Variants in CLPSL1 observed in about 807,000 individuals in gnomAD.
CLPSL1 encodes the protein colipase-like protein 1.
A neutral mutation model predicts 9.3 loss-of-function variants in CLPSL1; 13 were observed. That is an observed-to-expected ratio of 1.40 (90% CI 0.91 to 2.22). The LOEUF is 2.22. Among genes scored for constraint, CLPSL1 ranks in the 30% most tolerant of loss-of-function variants. The pLI is 0.00. For synonymous variants in CLPSL1, 58 were observed against 56.9 expected (o/e 1.02, Z -0.08); for missense variants, 164 against 146.6 (o/e 1.12, Z -0.61).
chr6:35,793,741 A>C (rs1037980174), downstream of CLPSL1: 2 of 372,840 alleles, frequency 5.4e-6, no homozygotes, highest in African/African-American at 2.1e-5. Context: ...TGGTTACAGG[A>C]GGATTCATTG....
At position 35,788,062 on chromosome 6, in the gene CLPSL1, C is replaced by G; in HGVS notation, c.*52C>G. 1 of 1,409,236 alleles carries G rather than the reference C, an allele frequency of 7.1e-7. No individual in the cohort carries two copies. The highest frequency in any genetic ancestry group is 1.0e-6 in the Non-Finnish European group (1 of 996,508). 87.3% of individuals were successfully genotyped at this position (1,409,236 alleles called of 1,614,324 possible). A position where few individuals can be genotyped will look rare whatever the true frequency, so the allele number is the denominator to read the frequency against. On this transcript the variant is annotated 3_prime_UTR_variant, in exon 3 of 3. Coordinates refer to ENST00000373861, the MANE Select transcript of CLPSL1 (RefSeq NM_001010886.5). Reference sequence around the variant, plus strand: ...CTCCTCCACCTGCTCTCCTCCCTACCCAGAGCTCTGTGTTCACCCTGTTCC... The same window carrying G: ...CTCCTCCACCTGCTCTCCTCCCTACGCAGAGCTCTGTGTTCACCCTGTTCC...
chr6:35,790,993 C>T (rs1479075891), downstream of CLPSL1, among the ~76,000 whole-genome samples: 6 of 150,704 alleles, frequency 4.0e-5, no homozygotes, highest in African/African-American at 9.8e-5. Context: ...TGCAGTGAGC[C>T]ATGGTCGCAC....
At chr6:35,786,932 C>T (rs1389443956) in intron 1 of CLPSL1, 66 bp from the exon 2 acceptor site, 5 of 1,533,406 alleles carry the variant, frequency 3.3e-6, no homozygotes, top group African/African-American at 1.4e-5. Context: ...GGAGAAAGCC[C>T]CAGGCGGGGC....
chr6:35,790,186 G>A (rs1220196641), downstream of CLPSL1, among the ~76,000 whole-genome samples: 4 of 152,242 alleles, frequency 2.6e-5, no homozygotes, highest in South Asian at 2.1e-4. Context: ...TCCTGCCTCA[G>A]CCTCTCAAAA....
intron 1 of CLPSL1, among the ~76,000 whole-genome samples, chr6:35,784,760 T>C (rs868052839): frequency 2.7e-4 from 41 of 152,226 alleles, no homozygotes; most frequent in African/African-American, 8.4e-4. Flanking sequence ...ATCTGAGTTA[T>C]TGGCAATGAA....
At chr6:35,793,138 T>C (rs2151064111), downstream of CLPSL1, among the ~76,000 whole-genome samples, 1 of 152,288 alleles carries the variant, frequency 6.6e-6, no homozygotes, top group South Asian at 2.1e-4. Flanking sequence ...AAGAAGAGGG[T>C]ATGGTCCAGG....
intron 2 of CLPSL1, 109 bp from the exon 3 acceptor site, chr6:35,787,758 G>T: frequency 4.7e-6 from 5 of 1,053,872 alleles, no homozygotes; most frequent in South Asian, 2.8e-5. Flanking sequence ...TTTATCCCTG[G>T]ATCCTGGCTG....
At chr6:35,789,285 C>T (rs6938517), downstream of CLPSL1, among the ~76,000 whole-genome samples, 26,802 of 147,400 alleles carry the variant, frequency 0.18, 5 homozygotes, top group Non-Finnish European at 0.21. Context: ...CAGAAATAAA[C>T]CCAAGCCTGT....
chr6:35,782,969 CAT>C (rs1311579570), intron 1 of CLPSL1, among the ~76,000 whole-genome samples: 18 of 152,112 alleles, frequency 1.2e-4, no homozygotes, highest in South Asian at 2.1e-4. Context: ...ATGTATATAA[CAT>C]ATGTGGTAAA....
downstream of CLPSL1, among the ~76,000 whole-genome samples, chr6:35,790,273 G>A (rs1250682895): frequency 6.6e-6 from 1 of 152,220 alleles, no homozygotes; most frequent in Non-Finnish European, 1.5e-5. Flanking sequence ...TTTCATCCAG[G>A]AATATAAAAT....
At chr6:35,786,940 G>A (rs72925882) in intron 1 of CLPSL1, 58 bp from the exon 2 acceptor site, 2,814 of 1,538,268 alleles carry the variant, frequency 1.8e-3, no homozygotes, top group Non-Finnish European at 2.2e-3. Flanking sequence ...CCCCAGGCGG[G>A]GCGGCGAGGG....
intron 1 of CLPSL1, among the ~76,000 whole-genome samples, chr6:35,782,538 T>C (rs1297686656): frequency 1.3e-5 from 2 of 152,212 alleles, no homozygotes; most frequent in African/African-American, 4.8e-5. Context: ...TGATGGGGAC[T>C]GCTCTGCTGG....
chr6:35,787,791 A>G, intron 2 of CLPSL1, 76 bp from the exon 3 acceptor site: 1 of 1,421,910 alleles, frequency 7.0e-7, no homozygotes, highest in South Asian at 1.2e-5. Flanking sequence ...TGGGCCCTGG[A>G]GCTGGGCTGG....
At chr6:35,786,952 G>C in intron 1 of CLPSL1, 46 bp from the exon 2 acceptor site, 1 of 1,547,680 alleles carries the variant, frequency 6.5e-7, no homozygotes. Flanking sequence ...CGGCGAGGGC[G>C]GAAGGCGGGC....
At chr6:35,784,984 C>G (rs2817067) in intron 1 of CLPSL1, among the ~76,000 whole-genome samples, 92,267 of 151,362 alleles carry the variant, frequency 0.61, 28,194 homozygotes, top group Middle Eastern at 0.68. Context: ...CTTGGTCCTA[C>G]CCCTTAACAG....
downstream of CLPSL1, among the ~76,000 whole-genome samples, chr6:35,791,799 G>A (rs1267872319): frequency 6.6e-6 from 1 of 152,106 alleles, no homozygotes; most frequent in Non-Finnish European, 1.5e-5. Flanking sequence ...CGGGCATGGA[G>A]GCTCACACCT....
At chr6:35,793,018 C>T (rs982082460), downstream of CLPSL1, among the ~76,000 whole-genome samples, 18 of 152,268 alleles carry the variant, frequency 1.2e-4, no homozygotes, top group Non-Finnish European at 1.8e-4. Flanking sequence ...GGAGAAGGAT[C>T]TTATTCCCTT....
At chr6:35,791,608 CAA>C (rs72328042), downstream of CLPSL1, among the ~76,000 whole-genome samples, 15,044 of 137,766 alleles carry the variant, frequency 0.11, 562 homozygotes, top group Middle Eastern at 0.2. Context: ...ACTCTGTCTC[CAA>C]AAAAAAAAAA....
At chr6:35,791,618 A>G (rs1193866894), downstream of CLPSL1, among the ~76,000 whole-genome samples, 1 of 151,734 alleles carries the variant, frequency 6.6e-6, no homozygotes, top group African/African-American at 2.4e-5. Context: ...CAAAAAAAAA[A>G]AAAGAAAAAG....
Sources: allele counts gnomAD v4.1 joint callset (sites outside exome capture counted in the v4.1 genomes callset), GRCh38; gene constraint gnomAD v4.1.1; transcripts MANE v1.5; gene names NCBI Gene and HGNC (gene_info 2026-07-23, HGNC 2026-07-21).